The following PARD6G variants were observed in gnomAD, a reference collection of about 807,000 sequenced individuals.
The protein encoded by PARD6G is partitioning defective 6 homolog gamma.
Under a neutral mutation model 10.7 loss-of-function variants are expected in PARD6G, and 7 were observed. The observed-to-expected ratio is 0.66, with a 90% CI of 0.37 to 1.23. The LOEUF (loss-of-function observed/expected upper bound fraction) is 1.23, where lower values mean the gene tolerates loss of function less well. Among genes scored for constraint, PARD6G ranks in the 50% most tolerant of loss-of-function variants. The pLI is 0.02. For synonymous variants in PARD6G, 287 were observed against 269.4 expected (o/e 1.07, Z -0.64); for missense variants, 548 against 571.8 (o/e 0.96, Z 0.42).
chr18:80,202,413 G>T (rs1049557711), intron 2 of PARD6G, among the ~76,000 whole-genome samples: 2 of 152,096 alleles, frequency 1.3e-5, no homozygotes, highest in African/African-American at 4.8e-5. Context: ...TCATTCTGAG[G>T]CCACTGACTC....
rs1034214861 is a variant in PARD6G at position 80,200,996 on chromosome 18, A to T, written c.295+1714T>A. ...AAGCCTGTGCGCACATCTGCAGTTT[A>T]CACACCTTCTTCACACCATTGCTCA... On this transcript the variant is annotated intron_variant, in intron 2 of 2. Transcript: ENST00000353265. The surrounding 1 kb of genome is among the most constrained non-coding windows in gnomAD (Gnocchi z 4.4). Among the ~76,000 whole-genome samples the T allele has an allele frequency of 6.6e-6, 1 of 152,190 alleles. No homozygotes were observed. Among genetic ancestry groups the T allele is most frequent in the Non-Finnish European group, 1.5e-5 (1 of 68,044 alleles).
chr18:80,225,018 A>G (rs1331762447), intron 1 of PARD6G, among the ~76,000 whole-genome samples: 1 of 152,120 alleles, frequency 6.6e-6, no homozygotes, highest in Non-Finnish European at 1.5e-5. Context: ...CACTGAAAAC[A>G]TAGTCCCCTG....
chr18:80,172,867 TG>T (rs1435379706), intron 2 of PARD6G, among the ~76,000 whole-genome samples: 1 of 152,280 alleles, frequency 6.6e-6, no homozygotes, highest in Non-Finnish European at 1.5e-5. Context: ...TTTTCTTTTT[TG>T]CTTGTGCTTT....
chr18:80,212,083 ACTGT>A lies in PARD6G; in HGVS notation c.73-9155_73-9152del, dbSNP rs576091159. 1.7e-3 allele frequency among the ~76,000 whole-genome samples: 266 copies of A among 152,312 alleles called. 1 individual carries two copies. Among genetic ancestry groups the A allele is most frequent in the African/African-American group, 6.1e-3 (254 of 41,586 alleles). On this transcript the variant is annotated intron_variant, in intron 1 of 2. Coordinates refer to ENST00000353265, the MANE Select transcript of PARD6G (RefSeq NM_032510.4). ...AAAATCGATTCCCAGCCAGGGCCAC[ACTGT>A]CTGTGTGGAGTCTGCATGTTCTCCT... is the stretch of plus-strand genomic sequence containing the variant.
At position 80,246,474 on chromosome 18, in the gene PARD6G, G is replaced by T. The variant is rs977999607; in HGVS notation, c.72+803C>A. Among the ~76,000 whole-genome samples the T allele has an allele frequency of 6.6e-6, 1 of 152,098 alleles. No individual in the cohort carries two copies. The highest frequency in any genetic ancestry group is 2.4e-5 in the African/African-American group (1 of 41,436). ...CCGGGCGCAGGCAGCGGGAGGGGCCGGGCACGCCCGTGGGGGTGGTCTGGG... is the reference window on the plus strand; with the variant it reads ...CCGGGCGCAGGCAGCGGGAGGGGCCTGGCACGCCCGTGGGGGTGGTCTGGG... On this transcript the variant is annotated intron_variant, in intron 1 of 2. Transcript: ENST00000353265. This position sits in a 1 kb window ranked among gnomAD's most constrained non-coding sequence, Gnocchi z 6.7.
At chr18:80,215,264 C>G (rs971337833) in intron 1 of PARD6G, among the ~76,000 whole-genome samples, 11 of 152,120 alleles carry the variant, frequency 7.2e-5, no homozygotes, top group Non-Finnish European at 1.3e-4. Context: ...CCTCCTCTTT[C>G]AGGCTGAAAT....
chr18:80,174,958 A>T (rs2052800140), intron 2 of PARD6G, among the ~76,000 whole-genome samples: 1 of 152,174 alleles, frequency 6.6e-6, no homozygotes, highest in South Asian at 2.1e-4. Flanking sequence ...CAAAAAATAA[A>T]AAAAAAAATG....
intron 1 of PARD6G, among the ~76,000 whole-genome samples, chr18:80,210,866 T>C (rs1568438166): frequency 6.6e-6 from 1 of 152,172 alleles, no homozygotes; most frequent in Admixed American, 6.5e-5. Flanking sequence ...CAGCTGCTTA[T>C]GTGATATGAC....
chr18:80,242,087 A>G (rs1967496217), intron 1 of PARD6G, among the ~76,000 whole-genome samples: 1 of 152,118 alleles, frequency 6.6e-6, no homozygotes, highest in Non-Finnish European at 1.5e-5. Context: ...AGGCCATCAG[A>G]GTCTCCCAGG....
At position 80,200,326 on chromosome 18, in the gene PARD6G, G is replaced by A. The variant is rs185108359; in HGVS notation, c.295+2384C>T. 1.6e-4 allele frequency among the ~76,000 whole-genome samples: 24 copies of A among 152,240 alleles called. No individual in the cohort carries two copies. Among genetic ancestry groups the A allele is most frequent in the Admixed American group, 3.9e-4 (6 of 15,296 alleles). On this transcript the variant is annotated intron_variant, in intron 2 of 2. Transcript: ENST00000353265. The surrounding 1 kb of genome is among the most constrained non-coding windows in gnomAD (Gnocchi z 4.4). ...GCCCCTGACTGCCACCTGGAATGTC[G>A]TCATCTTTACAGTCAAATCCACTGA...
chr18:80,162,064 C>G (rs1488574087), intron 2 of PARD6G: 1 of 152,284 alleles, frequency 6.6e-6, no homozygotes, highest in African/African-American at 2.4e-5. Flanking sequence ...CTAGCACAGG[C>G]TCTGGCACAT....
chr18:80,168,388 T>C (rs1261579578), intron 2 of PARD6G, among the ~76,000 whole-genome samples: 2 of 152,140 alleles, frequency 1.3e-5, no homozygotes, highest in Non-Finnish European at 2.9e-5. Flanking sequence ...AATACCCCAT[T>C]TCTAAAATTC....
At chr18:80,221,731 T>C (rs1316529940) in intron 1 of PARD6G, among the ~76,000 whole-genome samples, 1 of 152,218 alleles carries the variant, frequency 6.6e-6, no homozygotes, top group African/African-American at 2.4e-5. Flanking sequence ...AGACATCAGA[T>C]TGGAATGGAA....
chr18:80,227,182 G>C (rs1967301485), intron 1 of PARD6G, among the ~76,000 whole-genome samples: 1 of 152,186 alleles, frequency 6.6e-6, no homozygotes, highest in Admixed American at 6.5e-5. Context: ...GGCTAGTCTT[G>C]AATTCCTGGG....
intron 1 of PARD6G, among the ~76,000 whole-genome samples, chr18:80,236,806 T>C (rs1967428784): frequency 6.6e-6 from 1 of 152,072 alleles, no homozygotes; most frequent in Non-Finnish European, 1.5e-5. Flanking sequence ...GTGAAGGAAC[T>C]TTTTCAAGGA....
At chr18:80,163,038 T>C (rs2052711007) in intron 2 of PARD6G, among the ~76,000 whole-genome samples, 1 of 152,172 alleles carries the variant, frequency 6.6e-6, no homozygotes, top group Non-Finnish European at 1.5e-5. Flanking sequence ...TGTGGCAGTG[T>C]CCGAGGCACA....
At chr18:80,164,940 CA>C (rs1327495120) in intron 2 of PARD6G, among the ~76,000 whole-genome samples, 1 of 152,056 alleles carries the variant, frequency 6.6e-6, no homozygotes, top group Non-Finnish European at 1.5e-5. Flanking sequence ...GGGAACAGGA[CA>C]AAAGGAAAAA....
chr18:80,244,724 G>C (rs949623040), intron 1 of PARD6G, among the ~76,000 whole-genome samples: 4 of 152,176 alleles, frequency 2.6e-5, no homozygotes, highest in Non-Finnish European at 4.4e-5. Context: ...ACCCAGGCTG[G>C]ACTCAGCTCC....
rs894731117 is a variant in PARD6G, at chr18:80,195,572, T to TATATATATAC, written c.295+7137_295+7138insGTATATATAT. On this transcript the variant is annotated intron_variant, in intron 2 of 2. Transcript: ENST00000353265. ...ACATATATATATATATATATATATA[T>TATATATATAC]ACACACATTTTTTTTTCTTTTTTTT... 1.7e-3 allele frequency among the ~76,000 whole-genome samples: 146 copies of TATATATATAC among 87,318 alleles called. 3 individuals are homozygous for TATATATATAC. Among genetic ancestry groups the TATATATATAC allele is most frequent in the African/African-American group, 7.9e-3 (134 of 16,896 alleles). 57.3% of individuals were successfully genotyped at this position (87,318 alleles called of 152,430 possible). A position where few individuals can be genotyped will look rare whatever the true frequency, so the allele number is the denominator to read the frequency against.
Sources: allele counts gnomAD v4.1 joint callset (sites outside exome capture counted in the v4.1 genomes callset), GRCh38; gene constraint gnomAD v4.1.1; non-coding constraint Gnocchi (gnomAD v3.1); transcripts MANE v1.5; gene names NCBI Gene and HGNC (gene_info 2026-07-23, HGNC 2026-07-21).